The following ZNF469 variants were observed in gnomAD, a reference collection of about 807,000 sequenced individuals.
ZNF469 encodes the protein zinc finger protein 469.
ZNF469 carries 1 observed loss-of-function variant against 1.0 expected under a neutral mutation model. The observed-to-expected ratio is 1.00, with a 90% confidence interval of 0.35 to 4.73. ZNF469 has a LOEUF of 4.73. ZNF469 is among the 30% of genes most tolerant of loss of function. ZNF469 has a pLI of 0.16. For missense variants in ZNF469, 6,100 were observed against 5,356.3 expected, an observed-to-expected ratio of 1.14 and a Z score of -4.33; for synonymous variants, 2,703 against 2,363.4, an observed-to-expected ratio of 1.14 and a Z score of -4.17.
At chr16:88,416,224 C>G (rs1358646863) in intron 1 of ZNF469, among the ~76,000 whole-genome samples, 1 of 152,216 alleles carries the variant, frequency 6.6e-6, no homozygotes, top group Non-Finnish European at 1.5e-5. Flanking sequence ...GTCCCGGTTT[C>G]TCATGCAGAG....
chr16:88,244,491 G>A, the ZNF469 span, among the ~76,000 whole-genome samples: 2 of 151,154 alleles, frequency 1.3e-5, no homozygotes, highest in Admixed American at 6.6e-5. Flanking sequence ...ATTGATGAGT[G>A]GGTGGATGCA....
At chr16:88,301,143 G>A in the ZNF469 span, among the ~76,000 whole-genome samples, 1 of 145,332 alleles carries the variant, frequency 6.9e-6, no homozygotes, top group Non-Finnish European at 1.5e-5. Context: ...TAACTCCGAC[G>A]CACAGTGGCC....
chr16:88,410,738 G>T (rs1905135055), intron 1 of ZNF469, among the ~76,000 whole-genome samples: 1 of 151,998 alleles, frequency 6.6e-6, no homozygotes, highest in Non-Finnish European at 1.5e-5. Context: ...GATGGTGCAG[G>T]TCACACAGTT....
At chr16:88,338,226 C>T in the ZNF469 span, among the ~76,000 whole-genome samples, 3 of 116,600 alleles carry the variant, frequency 2.6e-5, no homozygotes, top group African/African-American at 1.5e-4. Context: ...CTCTGGCTCC[C>T]GGAAGGCAGG....
the ZNF469 span, among the ~76,000 whole-genome samples, chr16:88,288,948 C>G: frequency 1.3e-5 from 2 of 152,090 alleles, no homozygotes; most frequent in Non-Finnish European, 2.9e-5. Context: ...CTCCATACAT[C>G]CAGTGTTCTT....
the ZNF469 span, among the ~76,000 whole-genome samples, chr16:88,127,007 C>T: frequency 5.9e-5 from 9 of 152,052 alleles, no homozygotes; most frequent in Admixed American, 2.0e-4. Flanking sequence ...TTAGTAGAGA[C>T]GAGGTTTCAT....
the ZNF469 span, among the ~76,000 whole-genome samples, chr16:88,331,583 ACCAC>A: frequency 6.6e-6 from 1 of 151,670 alleles, no homozygotes; most frequent in Non-Finnish European, 1.5e-5. Flanking sequence ...CACCACCACC[ACCAC>A]CATCACCACT....
At chr16:88,150,246 G>T in the ZNF469 span, among the ~76,000 whole-genome samples, 2 of 151,930 alleles carry the variant, frequency 1.3e-5, no homozygotes, top group African/African-American at 4.8e-5. Context: ...AGAGGCGGAG[G>T]TTGCAGTGAA....
chr16:88,393,503 T>C (rs1904547205), intron 1 of ZNF469, among the ~76,000 whole-genome samples: 1 of 152,188 alleles, frequency 6.6e-6, no homozygotes, highest in Non-Finnish European at 1.5e-5. Flanking sequence ...GGGAGGTGCC[T>C]GGGACCCAAA....
the ZNF469 span, among the ~76,000 whole-genome samples, chr16:88,286,850 A>G: frequency 6.4e-3 from 975 of 152,282 alleles, 7 homozygotes; most frequent in African/African-American, 0.022. Flanking sequence ...TCCAGGTCAC[A>G]TGAGTCCCCC....
the ZNF469 span, among the ~76,000 whole-genome samples, chr16:88,295,493 G>A: frequency 6.6e-6 from 1 of 152,110 alleles, no homozygotes; most frequent in East Asian, 1.9e-4. Context: ...CCCCCAGGAT[G>A]TGGCAGGGCT....
At chr16:88,237,967 G>A in the ZNF469 span, among the ~76,000 whole-genome samples, 9 of 152,174 alleles carry the variant, frequency 5.9e-5, no homozygotes, top group Admixed American at 1.3e-4. Flanking sequence ...CAGCACCTAA[G>A]ACTCCTCCCT....
At chr16:88,335,416 C>G in the ZNF469 span, among the ~76,000 whole-genome samples, 1 of 152,242 alleles carries the variant, frequency 6.6e-6, no homozygotes, top group Non-Finnish European at 1.5e-5. Flanking sequence ...CAAAAACTTC[C>G]AGGGCGGCCT....
chr16:88,396,254 TCAGA>T (rs1904654660), intron 1 of ZNF469, among the ~76,000 whole-genome samples: 1 of 152,280 alleles, frequency 6.6e-6, no homozygotes, highest in African/African-American at 2.4e-5. Flanking sequence ...ATCCAGGTTC[TCAGA>T]CAGGGCCGGC....
chr16:88,227,014 G>A, the ZNF469 span, among the ~76,000 whole-genome samples: 17 of 114,630 alleles, frequency 1.5e-4, no homozygotes, highest in East Asian at 6.4e-4. Flanking sequence ...CCTCCTCCGC[G>A]CCGGGGCCTG....
the ZNF469 span, among the ~76,000 whole-genome samples, chr16:88,185,638 A>T: frequency 2.0e-5 from 3 of 151,938 alleles, no homozygotes; most frequent in African/African-American, 7.3e-5. Context: ...TTGCACACTC[A>T]CACATGTGAA....
the ZNF469 span, among the ~76,000 whole-genome samples, chr16:88,351,272 C>T: frequency 6.6e-6 from 1 of 152,218 alleles, no homozygotes; most frequent in Non-Finnish European, 1.5e-5. Flanking sequence ...GGTCACTGGG[C>T]TGTGTGGGTC....
chr16:88,377,592 AGCCGGGCTCCAG>A, the ZNF469 span, among the ~76,000 whole-genome samples: 1 of 152,164 alleles, frequency 6.6e-6, no homozygotes, highest in Non-Finnish European at 1.5e-5. Context: ...GACCGGGCTC[AGCCGGGCTCCAG>A]GCCCTGACAC....
the ZNF469 span, chr16:88,178,388 C>T: frequency 3.3e-5 from 5 of 152,152 alleles, no homozygotes; most frequent in Admixed American, 1.3e-4. Context: ...GGCACTCCGG[C>T]GTTCTGAGAA....
Sources: gnomAD v4.1 joint callset for allele counts (sites outside exome capture counted in the v4.1 genomes callset) on GRCh38, gnomAD v4.1.1 for gene constraint, MANE v1.5 for transcripts, NCBI Gene and HGNC (gene_info 2026-07-23, HGNC 2026-07-21) for gene names.